Variants in HOXB3 observed in about 807,000 individuals in gnomAD.
The protein encoded by HOXB3 is homeobox protein Hox-B3.
In HOXB3, 17 loss-of-function variants were observed where a neutral mutation model predicts 29.2. That is an observed-to-expected ratio of 0.58 (90% CI 0.40 to 0.87). HOXB3 has a LOEUF of 0.87. Among genes scored for constraint, HOXB3 ranks in the 40% least tolerant of loss-of-function variants. The pLI is 0.00. For missense variants in HOXB3, 637 were observed against 616.3 expected, an observed-to-expected ratio of 1.03 and a Z score of -0.35; for synonymous variants, 317 against 285.9, an observed-to-expected ratio of 1.11 and a Z score of -1.10.
intron 1 of HOXB3, among the ~76,000 whole-genome samples, chr17:48,574,849 A>G (rs182508138): frequency 5.3e-5 from 8 of 152,342 alleles, no homozygotes; most frequent in Admixed American, 3.3e-4. Flanking sequence ...AATGAAAATT[A>G]ATACTGGAGC....
At chr17:48,580,316 C>CT (rs749178051) in intron 1 of HOXB3, 39,546 of 101,184 alleles carry the variant, frequency 0.39, 8,256 homozygotes, top group East Asian at 0.54. Context: ...CCCCCCAGGA[C>CT]TTTTTTTTTT....
Position 48,577,064 on chromosome 17 carries a change from C to T in HOXB3, c.-424-3050G>A. The T allele has an allele frequency of 2.0e-6, 3 of 1,509,674 alleles. 1 individual carries two copies. In the South Asian group the frequency reaches 3.9e-5, roughly 20 times the overall value. 93.5% of individuals were successfully genotyped at this position (1,509,674 alleles called of 1,614,324 possible). On this transcript the variant is annotated intron_variant, in intron 1 of 4. Transcript: ENST00000498678. ...AGGGAGAAAGAGAAAGTTTTATTGCCCCCGAAAGAGAGAGTCCTTTCTTCC... is the reference window on the plus strand; with the variant it reads ...AGGGAGAAAGAGAAAGTTTTATTGCTCCCGAAAGAGAGAGTCCTTTCTTCC...
chr17:48,575,628 G>C (rs958236902), intron 1 of HOXB3: 2 of 152,388 alleles, frequency 1.3e-5, no homozygotes, highest in Non-Finnish European at 2.9e-5. Flanking sequence ...CCTGGTTTTG[G>C]AATGTCAGAA....
At chr17:48,563,808 G>A (rs367848947) in intron 2 of HOXB3, among the ~76,000 whole-genome samples, 3 of 152,176 alleles carry the variant, frequency 2.0e-5, no homozygotes, top group Non-Finnish European at 1.5e-5. Flanking sequence ...GTTGGGCAAT[G>A]GTGGCAGCTG....
rs370619296 is a variant in HOXB3 at position 48,550,303 on chromosome 17, C to T, written c.*31G>A. 9.3e-5 allele frequency: 150 copies of T among 1,612,882 alleles called. No homozygotes were observed. The Middle Eastern group carries it at 1.0e-3, about 11-fold the overall frequency. ...AGCTCCACAGTCTCTCTCTTCCTCCCCATCCCCTAATCCTCGTTCGCCCTT... is the reference window on the plus strand; with the variant it reads ...AGCTCCACAGTCTCTCTCTTCCTCCTCATCCCCTAATCCTCGTTCGCCCTT... On this transcript the variant is annotated 3_prime_UTR_variant, in exon 5 of 5. Transcript: ENST00000498678.
At chr17:48,585,383 C>A (rs950548912) in intron 1 of HOXB3, among the ~76,000 whole-genome samples, 6 of 152,216 alleles carry the variant, frequency 3.9e-5, no homozygotes, top group African/African-American at 1.2e-4. Context: ...GAGCTTGGAG[C>A]AGGGGCTCCT....
intron 2 of HOXB3, among the ~76,000 whole-genome samples, chr17:48,567,221 CAG>C (rs1010112213): frequency 2.6e-5 from 4 of 152,212 alleles, no homozygotes; most frequent in Non-Finnish European, 4.4e-5. Context: ...TCACTTGGAG[CAG>C]AGTGTGGGAG....
chr17:48,584,423 G>A (rs767637951), intron 1 of HOXB3, among the ~76,000 whole-genome samples: 18 of 152,196 alleles, frequency 1.2e-4, no homozygotes, highest in Non-Finnish European at 2.4e-4. Flanking sequence ...CAGCCTGGGG[G>A]TTAAGGGTTC....
Position 48,550,700 on chromosome 17 carries a change from G to A in HOXB3, c.930C>T (p.Pro310=), listed in dbSNP as rs775487391. ...NAYALPSNYQ[P]PLKGCGAPQK... The stretch of plus-strand genomic sequence containing the variant: ...GCGGGGCGCCGCAGCCTTTGAGAGG[G>A]GGCTGGTAGTTGGAGGGCAGCGCGT... The change falls in exon 5 of 5, where the codon CCC becomes CCT. Residue 310 remains proline (P), a synonymous_variant. Coordinates refer to ENST00000498678, the MANE Select transcript of HOXB3 (RefSeq NM_001384749.1). 12 of 1,542,424 alleles carry A rather than the reference G, an allele frequency of 7.8e-6. No individual in the cohort carries two copies. In the South Asian group the frequency reaches 1.3e-4, roughly 16 times the overall value.
At chr17:48,560,128 A>G in intron 2 of HOXB3, 1 of 152,862 alleles carries the variant, frequency 6.5e-6, no homozygotes, top group Non-Finnish European at 1.5e-5. Context: ...AGGCAGAGGA[A>G]GGGAGGCTGC....
chr17:48,580,227 A>T lies in HOXB3; in HGVS notation c.-424-6213T>A, dbSNP rs150632354. ...TATGAGATGTAAACATTAGCTAAGC[A>T]CAAAAGGAGGAAGGGTCATTCTGAG... On this transcript the variant is annotated intron_variant, in intron 1 of 4. Transcript: ENST00000498678. 1.1e-3 allele frequency: 260 copies of T among 241,922 alleles called. 2 individuals are homozygous for T. The highest frequency in any genetic ancestry group is 5.9e-3 in the Middle Eastern group (4 of 682). The allele number at this position is 241,922 out of a possible 1,614,324, so 15.0% of individuals were successfully genotyped here. A position where few individuals can be genotyped will look rare whatever the true frequency, so the allele number is the denominator to read the frequency against.
In HOXB3 at chr17:48,550,401, A is replaced by G. The variant is rs765593514; in HGVS notation, c.1229T>C (p.Leu410Pro). 3.7e-6 allele frequency: 6 copies of G among 1,613,728 alleles called. No individual in the cohort carries two copies. Among genetic ancestry groups the G allele is most frequent in the Non-Finnish European group, 5.1e-6 (6 of 1,179,922 alleles). Residue 410 changes from leucine (L) to proline (P), a missense_variant, in exon 5 of 5, where the codon CTC (leucine) becomes CCC (proline). Coordinates refer to ENST00000498678, the MANE Select transcript of HOXB3 (RefSeq NM_001384749.1). ...AGGAGGAGGCGCGTGGTGAGAGGAG[A>G]GGTCTGTGTAGGTGGGGTGGGGTTC... ...PCEPHPTYTD[L>P]SSHHAPPPQG...
At chr17:48,569,620 C>T (rs1206306534) in intron 2 of HOXB3, among the ~76,000 whole-genome samples, 1 of 152,166 alleles carries the variant, frequency 6.6e-6, no homozygotes, top group Non-Finnish European at 1.5e-5. Context: ...TTTTCCCCAA[C>T]TCCTGGGGAT....
intron 2 of HOXB3, among the ~76,000 whole-genome samples, chr17:48,571,247 C>T (rs944812831): frequency 7.2e-5 from 11 of 152,334 alleles, no homozygotes; most frequent in African/African-American, 2.6e-4. Context: ...ATCACAAATC[C>T]GTCAGCGCTC....
intron 1 of HOXB3, chr17:48,579,861 A>G (rs750393075): frequency 5.8e-6 from 3 of 520,818 alleles, no homozygotes; most frequent in South Asian, 2.9e-5. Flanking sequence ...TATGTCAACT[A>G]CATATTCCCC....
At chr17:48,572,064 A>C (rs148187051) in intron 2 of HOXB3, among the ~76,000 whole-genome samples, 132 of 152,246 alleles carry the variant, frequency 8.7e-4, no homozygotes, top group African/African-American at 3.1e-3. Flanking sequence ...GTGGATTTTT[A>C]AGATACAGCA....
rs2068655881 is a variant in HOXB3 at position 48,550,082 on chromosome 17, G to C, written c.*252C>G. ...CAACTTGGTAGTGCTGGAGCCCTGG[G>C]GTTGATGGGGTCATCTCCAATATGA... is the stretch of plus-strand genomic sequence containing the variant. On this transcript the variant is annotated 3_prime_UTR_variant, in exon 5 of 5. Coordinates refer to ENST00000498678, the MANE Select transcript of HOXB3 (RefSeq NM_001384749.1). 1.0e-5 allele frequency: 5 copies of C among 485,014 alleles called. No individual in the cohort carries two copies. Among genetic ancestry groups the C allele is most frequent in the Non-Finnish European group, 1.8e-5 (5 of 271,286 alleles). 30.0% of individuals were successfully genotyped at this position (485,014 alleles called of 1,614,324 possible).
At chr17:48,556,132 AAAG>A (rs980790365) in intron 2 of HOXB3, among the ~76,000 whole-genome samples, 2 of 134,388 alleles carry the variant, frequency 1.5e-5, no homozygotes, top group African/African-American at 2.6e-5. Flanking sequence ...AGTAAGAAGA[AAAG>A]AAGGAGGGTT....
intron 1 of HOXB3, chr17:48,576,606 G>T: frequency 1.2e-6 from 1 of 831,576 alleles, no homozygotes; most frequent in Non-Finnish European, 1.8e-6. Flanking sequence ...GTGGGGGAGG[G>T]CAGATAGATT....
Sources: allele counts gnomAD v4.1 joint callset (sites outside exome capture counted in the v4.1 genomes callset), GRCh38; gene constraint gnomAD v4.1.1; transcripts MANE v1.5; gene names NCBI Gene and HGNC (gene_info 2026-07-23, HGNC 2026-07-21).